The following SUCLG2 variants were observed in gnomAD, a reference collection of about 807,000 sequenced individuals.
SUCLG2 encodes the protein succinate-CoA ligase GDP-forming subunit beta.
SUCLG2 carries 42 observed loss-of-function variants against 47.9 expected under a neutral mutation model. The ratio of observed to expected loss-of-function variants is 0.88; its 90% CI spans 0.69 to 1.14. The LOEUF (loss-of-function observed/expected upper bound fraction) is 1.14, where lower values mean the gene tolerates loss of function less well. SUCLG2 is among the 50% of genes most tolerant of loss of function. The pLI is 0.00. For synonymous variants in SUCLG2, 195 were observed against 197.3 expected (o/e 0.99, Z 0.10); for missense variants, 571 against 525.9 (o/e 1.09, Z -0.84).
chr3:67,556,249 C>T (rs1018663524), intron 2 of SUCLG2, among the ~76,000 whole-genome samples: 1 of 152,126 alleles, frequency 6.6e-6, no homozygotes, highest in African/African-American at 2.4e-5. Context: ...TAGCTGGTGA[C>T]CTTTCAGTGG....
intron 9 of SUCLG2, chr3:67,408,986 G>A (rs1043092247): frequency 6.5e-7 from 1 of 1,535,246 alleles, no homozygotes; most frequent in Non-Finnish European, 8.7e-7. Flanking sequence ...ACGTGCTTCT[G>A]AGTCCTGTAT....
intron 10 of SUCLG2, among the ~76,000 whole-genome samples, chr3:67,367,427 TTATC>T (rs1253855985): frequency 6.6e-6 from 1 of 152,208 alleles, no homozygotes; most frequent in Non-Finnish European, 1.5e-5. Context: ...TTTAATATAT[TTATC>T]TAATAAGTAT....
At chr3:67,645,463 C>A (rs528868476) in intron 1 of SUCLG2, among the ~76,000 whole-genome samples, 1 of 152,286 alleles carries the variant, frequency 6.6e-6, no homozygotes, top group South Asian at 2.1e-4. Context: ...CCTTCTGCAT[C>A]ATTTTAAAAT....
chr3:67,538,885 T>C (rs1183700211), intron 2 of SUCLG2, among the ~76,000 whole-genome samples: 1 of 152,230 alleles, frequency 6.6e-6, no homozygotes, highest in Admixed American at 6.5e-5. Flanking sequence ...ATAGGAATGC[T>C]TGTGATTTTT....
Position 67,568,088 on chromosome 3 carries a change from A to C in SUCLG2, c.227-38902T>G, listed in dbSNP as rs1707510130. ...GACTTCTGTTGTGTGTGTGAGAGAGACCAGGACAGCAAAAGAACTGTGGTA... is the reference window on the plus strand; with the variant it reads ...GACTTCTGTTGTGTGTGTGAGAGAGCCCAGGACAGCAAAAGAACTGTGGTA... On this transcript the variant is annotated intron_variant, in intron 2 of 10. Transcript: ENST00000307227. 3.9e-5 allele frequency among the ~76,000 whole-genome samples: 6 copies of C among 152,220 alleles called. No individual in the cohort carries two copies. The South Asian group carries it at 1.2e-3, about 32-fold the overall frequency.
chr3:67,618,692 C>T (rs1239808548), intron 1 of SUCLG2, among the ~76,000 whole-genome samples: 1 of 152,160 alleles, frequency 6.6e-6, no homozygotes, highest in African/African-American at 2.4e-5. Context: ...GGAACCACCA[C>T]AGACAAAAAC....
chr3:67,558,559 T>C (rs1343389849), intron 2 of SUCLG2, among the ~76,000 whole-genome samples: 5 of 152,316 alleles, frequency 3.3e-5, no homozygotes, highest in African/African-American at 4.8e-5. Context: ...GAGAAAGTGC[T>C]GGGCTTTCTG....
chr3:67,642,252 C>T (rs1025487099), intron 1 of SUCLG2, among the ~76,000 whole-genome samples: 1 of 152,158 alleles, frequency 6.6e-6, no homozygotes, highest in African/African-American at 2.4e-5. Context: ...TGCAGGGCAA[C>T]AGCTGTGACA....
At chr3:67,563,042 C>A (rs115957924) in intron 2 of SUCLG2, among the ~76,000 whole-genome samples, 6,948 of 149,642 alleles carry the variant, frequency 0.046, 375 homozygotes, top group Admixed American at 0.18. Context: ...ATAATGTGTA[C>A]GATTTACATT....
intron 9 of SUCLG2, among the ~76,000 whole-genome samples, chr3:67,410,306 T>G (rs1178242969): frequency 6.6e-6 from 1 of 152,180 alleles, no homozygotes. Flanking sequence ...AGGCCAAGGG[T>G]GGCATATAAA....
At chr3:67,600,919 C>G (rs2107296860) in intron 2 of SUCLG2, among the ~76,000 whole-genome samples, 1 of 152,360 alleles carries the variant, frequency 6.6e-6, no homozygotes, top group South Asian at 2.1e-4. Flanking sequence ...ATAACTTCTT[C>G]TTGCACCAGG....
At chr3:67,458,560 G>T (rs1453252400) in intron 9 of SUCLG2, among the ~76,000 whole-genome samples, 1 of 152,158 alleles carries the variant, frequency 6.6e-6, no homozygotes, top group Non-Finnish European at 1.5e-5. Context: ...GAACGTCTAA[G>T]ATTCTTTTCA....
At chr3:67,544,410 T>C (rs956175746) in intron 2 of SUCLG2, among the ~76,000 whole-genome samples, 6 of 152,092 alleles carry the variant, frequency 3.9e-5, no homozygotes, top group African/African-American at 1.4e-4. Context: ...TTACAAGATA[T>C]GATGGTTTAA....
At chr3:67,531,972 A>G (rs1352448070) in intron 2 of SUCLG2, among the ~76,000 whole-genome samples, 1 of 152,192 alleles carries the variant, frequency 6.6e-6, no homozygotes. Context: ...TTCTGTTTTT[A>G]TTTAACATTG....
chr3:67,471,597 G>T (rs920746532), intron 9 of SUCLG2, among the ~76,000 whole-genome samples: 1 of 152,216 alleles, frequency 6.6e-6, no homozygotes, highest in African/African-American at 2.4e-5. Context: ...GGTCTAGGCT[G>T]ACCTAGCCTT....
rs144418537 is a variant in SUCLG2, at chr3:67,406,656, T to C, written c.1063-5805A>G. Among the ~76,000 whole-genome samples, 627 of 152,218 alleles carry C rather than the reference T, an allele frequency of 4.1e-3. 5 individuals are homozygous for C. Among genetic ancestry groups the C allele is most frequent in the African/African-American group, 0.014 (576 of 41,558 alleles). On this transcript the variant is annotated intron_variant, in intron 9 of 10. Transcript: ENST00000307227. ...AACAGAATCTGGAGTATCAGGTCCCTGGGGCCTGAGAAGTAGAGTGATGGA... is the reference window on the plus strand; with the variant it reads ...AACAGAATCTGGAGTATCAGGTCCCCGGGGCCTGAGAAGTAGAGTGATGGA...
intron 4 of SUCLG2, 82 bp downstream of exon 4, chr3:67,528,050 G>T: frequency 1.6e-6 from 2 of 1,256,478 alleles, no homozygotes; most frequent in African/African-American, 1.5e-5. Context: ...TACTTCATTA[G>T]ATTCTGTCAA....
intron 10 of SUCLG2, among the ~76,000 whole-genome samples, chr3:67,387,701 A>C (rs1401663030): frequency 6.6e-6 from 1 of 152,190 alleles, no homozygotes; most frequent in Admixed American, 6.5e-5. Flanking sequence ...ACCACATTCA[A>C]GATTATTTTC....
chr3:67,580,231 C>T (rs1707847091), intron 2 of SUCLG2, among the ~76,000 whole-genome samples: 1 of 152,108 alleles, frequency 6.6e-6, no homozygotes, highest in African/African-American at 2.4e-5. Context: ...GAGAAGCCCA[C>T]ACCAGTACCT....
Sources: gnomAD v4.1 joint callset for allele counts (sites outside exome capture counted in the v4.1 genomes callset) on GRCh38, gnomAD v4.1.1 for gene constraint, MANE v1.5 for transcripts, NCBI Gene and HGNC (gene_info 2026-07-23, HGNC 2026-07-21) for gene names.